The following ANK2 variants were observed in gnomAD, a reference collection of about 807,000 sequenced individuals.
The protein encoded by ANK2 is ankyrin 2, also known as ankyrin-2.
ANK2 carries 83 observed loss-of-function variants against 360.5 expected under a neutral mutation model. That is an observed-to-expected ratio of 0.23 (90% confidence interval 0.19 to 0.28). The LOEUF (loss-of-function observed/expected upper bound fraction) is 0.28. Among genes scored for constraint, ANK2 ranks in the 10% least tolerant of loss-of-function variants. The pLI is 1.00. For missense variants in ANK2, 4,201 were observed against 4,795.7 expected (o/e 0.88, Z 3.66); for synonymous variants, 1,740 against 1,759.5 (o/e 0.99, Z 0.28).
intron 4 of ANK2, among the ~76,000 whole-genome samples, chr4:113,206,575 G>A (rs550224545): frequency 6.6e-6 from 1 of 152,252 alleles, no homozygotes; most frequent in Non-Finnish European, 1.5e-5. Flanking sequence ...TAAAAAAGAA[G>A]TCAGGACACT....
the ANK2 span, among the ~76,000 whole-genome samples, chr4:112,756,809 C>T: frequency 6.6e-6 from 1 of 152,056 alleles, no homozygotes; most frequent in Non-Finnish European, 1.5e-5. Context: ...CCCATCTCTA[C>T]TAAAAATACA....
rs757908653 is a variant in ANK2 at position 113,357,348 on chromosome 4, G to T, written c.8730G>T (p.Val2910=). Residue 2910 remains valine, a synonymous_variant, in exon 38 of 46, where the codon GTG becomes GTT. Coordinates refer to ENST00000357077, the MANE Select transcript of ANK2 (RefSeq NM_001148.6). ...QTDRFSMDVP[V]SDLAENDEIY... ...ATAGATTTTCCATGGATGTTCCCGT[G>T]TCTGACCTAGCTGAGAATGATGAAA... 1 of 1,614,030 alleles carries T rather than the reference G, an allele frequency of 6.2e-7. No homozygotes were observed. The highest frequency in any genetic ancestry group is 2.2e-5 in the East Asian group (1 of 44,872).
Position 113,357,786 on chromosome 4 carries a change from G to A in ANK2, c.9168G>A (p.Glu3056=), listed in dbSNP as rs1418232596. The change falls in exon 38 of 46, where the codon GAG becomes GAA. Residue 3056 remains glutamate (E), a synonymous_variant. Coordinates refer to ENST00000357077, the MANE Select transcript of ANK2 (RefSeq NM_001148.6). ...SEIREDDEAF[E]ARVKEEEQKI... ...TTCGGGAAGACGATGAAGCCTTTGA[G>A]GCTCGTGTGAAAGAGGAAGAACAAA... is the stretch of plus-strand genomic sequence containing the variant. 3.1e-6 allele frequency: 5 copies of A among 1,614,034 alleles called. No homozygotes were observed. The highest frequency in any genetic ancestry group is 4.2e-6 in the Non-Finnish European group (5 of 1,179,958).
upstream of ANK2, among the ~76,000 whole-genome samples, chr4:112,814,616 T>A (rs559454927): frequency 6.6e-6 from 1 of 152,100 alleles, no homozygotes; most frequent in African/African-American, 2.4e-5. Context: ...CCAGGCTAAT[T>A]TTTAAATTTT....
chr4:112,957,616 C>T (rs1284507839), intron 2 of ANK2, among the ~76,000 whole-genome samples: 55 of 142,398 alleles, frequency 3.9e-4, no homozygotes, highest in East Asian at 6.3e-4. Flanking sequence ...CCTCACCTCC[C>T]GGACGGGGCG....
At chr4:112,911,188 C>CTTTTTT (rs751581640) in intron 2 of ANK2, among the ~76,000 whole-genome samples, 1 of 73,992 alleles carries the variant, frequency 1.4e-5, no homozygotes, top group East Asian at 4.8e-4. Context: ...CAAGATGGTG[C>CTTTTTT]TTTTTTTTTT....
chr4:113,293,418 C>T (rs1563495038), intron 21 of ANK2, 22 bp from the exon 22 acceptor site: 4 of 1,600,782 alleles, frequency 2.5e-6, no homozygotes, highest in Non-Finnish European at 3.4e-6. Flanking sequence ...TTCTCACTCT[C>T]TCTCTTTCAC....
intron 2 of ANK2, among the ~76,000 whole-genome samples, chr4:112,987,624 T>G (rs2045379992): frequency 1.3e-5 from 2 of 151,982 alleles, no homozygotes; most frequent in South Asian, 2.1e-4. Flanking sequence ...CAGGATTACT[T>G]GGCTCTGTGA....
chr4:112,967,444 G>A (rs1232865738), intron 2 of ANK2, among the ~76,000 whole-genome samples: 2 of 152,296 alleles, frequency 1.3e-5, no homozygotes, highest in South Asian at 2.1e-4. Context: ...CCACCATTTA[G>A]TTTAGAGCTT....
chr4:112,897,418 A>G (rs1293516588), intron 1 of ANK2, among the ~76,000 whole-genome samples: 1 of 152,218 alleles, frequency 6.6e-6, no homozygotes, highest in African/African-American at 2.4e-5. Flanking sequence ...AGTTATTTGC[A>G]TACATGGTTA....
At chr4:113,068,171 T>A (rs914248985) in intron 1 of ANK2, among the ~76,000 whole-genome samples, 2 of 152,220 alleles carry the variant, frequency 1.3e-5, no homozygotes, top group African/African-American at 4.8e-5. Context: ...CAATCACTAT[T>A]GCCTTGATGA....
chr4:112,895,598 G>A (rs1299029438), intron 1 of ANK2, among the ~76,000 whole-genome samples: 1 of 151,934 alleles, frequency 6.6e-6, no homozygotes, highest in African/African-American at 2.4e-5. Flanking sequence ...TTGCTATTAT[G>A]CTCAGATAGC....
chr4:113,126,500 A>G (rs1014875432), intron 1 of ANK2, among the ~76,000 whole-genome samples: 13 of 152,226 alleles, frequency 8.5e-5, no homozygotes, highest in African/African-American at 2.7e-4. Context: ...GGTTACCTGG[A>G]AACAGTAACT....
the ANK2 span, among the ~76,000 whole-genome samples, chr4:112,802,997 C>T: frequency 6.6e-6 from 1 of 152,086 alleles, no homozygotes; most frequent in Non-Finnish European, 1.5e-5. Context: ...TAGCCTGTGT[C>T]TGTTCTGATT....
chr4:112,921,068 T>TC, intron 2 of ANK2, among the ~76,000 whole-genome samples: 1 of 151,310 alleles, frequency 6.6e-6, no homozygotes, highest in Non-Finnish European at 1.5e-5. Flanking sequence ...TTTTTTTTTT[T>TC]TGAGGCAGGG....
chr4:113,167,841 A>G (rs1234699207), intron 1 of ANK2, among the ~76,000 whole-genome samples: 3 of 152,212 alleles, frequency 2.0e-5, no homozygotes, highest in African/African-American at 4.8e-5. Flanking sequence ...ACTTTAATAA[A>G]TGGAATAAAA....
At chr4:112,945,252 G>C (rs1038238890) in intron 2 of ANK2, among the ~76,000 whole-genome samples, 2 of 152,124 alleles carry the variant, frequency 1.3e-5, no homozygotes, top group African/African-American at 4.8e-5. Flanking sequence ...ATGTTACTTT[G>C]GCTCACATTT....
chr4:112,887,182 C>T (rs566169654), intron 1 of ANK2, among the ~76,000 whole-genome samples: 2 of 152,254 alleles, frequency 1.3e-5, no homozygotes, highest in East Asian at 3.9e-4. Flanking sequence ...TGTATTTTCT[C>T]ATCTTTTTAG....
At chr4:112,827,111 A>G in intron 1 of ANK2, 1 of 1,087,874 alleles carries the variant, frequency 9.2e-7, no homozygotes, top group Non-Finnish European at 1.4e-6. Context: ...CTTCTAGAAA[A>G]ACTGACTGCA....
Sources: gnomAD v4.1 joint callset for allele counts (sites outside exome capture counted in the v4.1 genomes callset) on GRCh38, gnomAD v4.1.1 for gene constraint, MANE v1.5 for transcripts, NCBI Gene and HGNC (gene_info 2026-07-23, HGNC 2026-07-21) for gene names.